STK31: variants seen among roughly 807,000 people sequenced by gnomAD.
The protein encoded by STK31 is serine/threonine-protein kinase 31.
STK31 carries 89 observed loss-of-function variants against 129.7 expected under a neutral mutation model. That is an observed-to-expected ratio of 0.69 (90% CI 0.58 to 0.82). The LOEUF (loss-of-function observed/expected upper bound fraction) is 0.82, where lower values mean the gene tolerates loss of function less well. Among genes scored for constraint, STK31 ranks in the 40% least tolerant of loss-of-function variants. The pLI, the probability that STK31 is intolerant of heterozygous loss-of-function variation, is 0.00. For synonymous variants in STK31, 448 were observed against 395.3 expected, an observed-to-expected ratio of 1.13 and a Z score of -1.58; for missense variants, 1,187 against 1,176.4, an observed-to-expected ratio of 1.01 and a Z score of -0.13.
chr7:23,788,333 A>G (rs1029777016), intron 21 of STK31, among the ~76,000 whole-genome samples: 24 of 152,116 alleles, frequency 1.6e-4, no homozygotes, highest in African/African-American at 5.8e-4. Context: ...AAGTCTTAGG[A>G]GCTACCTGAC....
chr7:23,770,949 C>CTTAGCTGTT, intron 13 of STK31, 56 bp from the exon 14 acceptor site: 1 of 1,507,612 alleles, frequency 6.6e-7, no homozygotes, highest in Non-Finnish European at 8.9e-7. Context: ...TATTGGAGGC[C>CTTAGCTGTT]TTAGCTGTTT....
At chr7:23,717,375 TC>T in intron 3 of STK31, 105 bp from the exon 4 acceptor site, 1 of 640,650 alleles carries the variant, frequency 1.6e-6, no homozygotes, top group Non-Finnish European at 2.5e-6. Context: ...TGATTTAATT[TC>T]TAATGGCCTA....
intron 22 of STK31, among the ~76,000 whole-genome samples, chr7:23,810,744 T>C (rs1584484934): frequency 7.6e-6 from 1 of 131,562 alleles, no homozygotes. Context: ...ATATATAAAA[T>C]AGATATATAT....
In STK31 at chr7:23,783,698, C is replaced by T. The variant is rs755392851; in HGVS notation, c.2148+35C>T. 4 of 1,511,982 alleles carry T rather than the reference C, an allele frequency of 2.6e-6. No individual in the cohort carries two copies. In the Admixed American group the frequency reaches 5.6e-5, roughly 21 times the overall value. The allele number at this position is 1,511,982 out of a possible 1,614,324, so 93.7% of individuals were successfully genotyped here. On this transcript the variant is annotated intron_variant, in intron 17 of 23. Transcript: ENST00000355870. Reference sequence around the variant, plus strand: ...GTTTCCCTTGCGAATTACTACTCTTCAGAGGGTGTTGAAAAGTGATAATAT... The same window carrying T: ...GTTTCCCTTGCGAATTACTACTCTTTAGAGGGTGTTGAAAAGTGATAATAT...
chr7:23,824,491 AT>A lies in STK31; in HGVS notation c.2830-7641del, dbSNP rs1387365137. ...TGAAGTTGCTTATCAGCTTAAGGAG[AT>A]TTTGGGCTGAGATGATGGGGTTTTC... On this transcript the variant is annotated intron_variant, in intron 23 of 23. Coordinates refer to ENST00000355870, the MANE Select transcript of STK31 (RefSeq NM_031414.5). Among the ~76,000 whole-genome samples, 3 of 152,050 alleles carry A rather than the reference AT, an allele frequency of 2.0e-5. No individual in the cohort carries two copies. The East Asian group carries it at 5.8e-4, about 29-fold the overall frequency.
chr7:23,827,559 G>C (rs1239927776), intron 23 of STK31, among the ~76,000 whole-genome samples: 1 of 151,470 alleles, frequency 6.6e-6, no homozygotes, highest in South Asian at 2.1e-4. Flanking sequence ...CTTTAGCTTG[G>C]AGTAGTTTGA....
At chr7:23,789,762 A>G (rs182529229) in intron 21 of STK31, among the ~76,000 whole-genome samples, 155 of 152,242 alleles carry the variant, frequency 1.0e-3, no homozygotes, top group African/African-American at 3.5e-3. Context: ...TGAGCATACT[A>G]TTTGCATAAT....
intron 23 of STK31, among the ~76,000 whole-genome samples, chr7:23,825,895 G>T (rs1445599288): frequency 6.6e-6 from 1 of 152,150 alleles, no homozygotes. Flanking sequence ...CAGTTTCCAT[G>T]TAGTTGAGTG....
chr7:23,796,249 C>T (rs983852834), intron 22 of STK31, among the ~76,000 whole-genome samples: 11 of 152,140 alleles, frequency 7.2e-5, no homozygotes, highest in African/African-American at 2.7e-4. Flanking sequence ...TTAAAGTTGT[C>T]TGGTTTCATT....
intron 6 of STK31, among the ~76,000 whole-genome samples, chr7:23,732,373 T>G (rs1298925387): frequency 1.3e-5 from 2 of 152,218 alleles, no homozygotes; most frequent in Non-Finnish European, 2.9e-5. Flanking sequence ...AATATATTTC[T>G]TATGATAAAA....
intron 6 of STK31, among the ~76,000 whole-genome samples, chr7:23,730,876 ATATT>A (rs1223401591): frequency 0.037 from 2,200 of 59,726 alleles, 53 homozygotes; most frequent in African/African-American, 0.11. Context: ...ATATATATAT[ATATT>A]TTTTTTTTTT....
intron 10 of STK31, among the ~76,000 whole-genome samples, chr7:23,760,183 C>T (rs1176174049): frequency 2.0e-5 from 3 of 152,142 alleles, no homozygotes; most frequent in African/African-American, 7.2e-5. Context: ...GTAAACCATT[C>T]CCTACAACCA....
intron 23 of STK31, among the ~76,000 whole-genome samples, chr7:23,824,206 G>A (rs183589718): frequency 1.3e-4 from 20 of 152,230 alleles, no homozygotes; most frequent in East Asian, 9.7e-4. Flanking sequence ...CCATTTTCTC[G>A]ATATTGATTC....
intron 8 of STK31, among the ~76,000 whole-genome samples, chr7:23,746,830 T>C (rs909164192): frequency 2.0e-5 from 3 of 151,988 alleles, no homozygotes; most frequent in East Asian, 3.8e-4. Context: ...CTTAATATTA[T>C]TTAATTTTAA....
intron 6 of STK31, among the ~76,000 whole-genome samples, chr7:23,729,592 C>T (rs1787280918): frequency 6.7e-6 from 1 of 149,742 alleles, no homozygotes; most frequent in Non-Finnish European, 1.5e-5. Context: ...CTCACTGCAA[C>T]CTCTGCCTCC....
intron 3 of STK31, among the ~76,000 whole-genome samples, chr7:23,712,529 A>G (rs1786035152): frequency 6.6e-6 from 1 of 152,104 alleles, no homozygotes; most frequent in Admixed American, 6.5e-5. Context: ...AATTGGCAAG[A>G]TTGTGATTTC....
At chr7:23,725,865 C>T (rs1218685500) in intron 4 of STK31, 1 of 152,158 alleles carries the variant, frequency 6.6e-6, no homozygotes, top group Non-Finnish European at 1.5e-5. Flanking sequence ...GCTTTTTATA[C>T]AACTCTAACA....
intron 18 of STK31, 37 bp from the exon 19 acceptor site, chr7:23,786,471 A>G (rs185098973): frequency 2.0e-5 from 31 of 1,561,780 alleles, no homozygotes; most frequent in Non-Finnish European, 3.5e-6. Context: ...TGAGATTTTC[A>G]TCTTGGAATT....
rs751621622 is a variant in STK31 at position 23,832,270 on chromosome 7, A to G, written c.2964A>G (p.Glu988=). The G allele has an allele frequency of 7.4e-6, 12 of 1,613,962 alleles. No individual in the cohort carries two copies. Among genetic ancestry groups the G allele is most frequent in the Admixed American group, 1.7e-5 (1 of 60,028 alleles). The change falls in exon 24 of 24, where the codon GAA becomes GAG. Residue 988 remains glutamate (E), a synonymous_variant. Coordinates refer to ENST00000355870, the MANE Select transcript of STK31 (RefSeq NM_031414.5). ...QSVPNPEKDT[E]YTLYKKEEEI... Reference sequence around the variant, plus strand: ...TTCCAAACCCAGAAAAAGATACTGAATACACCCTATATAAAAAGGAAGAAG... The same window carrying G: ...TTCCAAACCCAGAAAAAGATACTGAGTACACCCTATATAAAAAGGAAGAAG...
Sources: gnomAD v4.1 joint callset for allele counts (sites outside exome capture counted in the v4.1 genomes callset) on GRCh38, gnomAD v4.1.1 for gene constraint, MANE v1.5 for transcripts, NCBI Gene and HGNC (gene_info 2026-07-23, HGNC 2026-07-21) for gene names.